QTMAN: variants seen among roughly 807,000 people sequenced by gnomAD.
QTMAN encodes the protein queuosine-tRNA mannosyltransferase, also known as tRNA-queuosine alpha-mannosyltransferase.
chr2:144,300,085 G>A, the QTMAN span, among the ~76,000 whole-genome samples: 2 of 152,184 alleles, frequency 1.3e-5, no homozygotes, highest in South Asian at 2.1e-4. Flanking sequence ...TAAAGACAAA[G>A]TCTGCCACGG....
the QTMAN span, among the ~76,000 whole-genome samples, chr2:144,129,518 T>C: frequency 7.2e-4 from 109 of 152,114 alleles, no homozygotes; most frequent in African/African-American, 2.5e-3. Context: ...TTTCATTTCA[T>C]GGCTATTTAA....
chr2:144,143,937 G>C, the QTMAN span, among the ~76,000 whole-genome samples: 1 of 151,854 alleles, frequency 6.6e-6, no homozygotes, highest in Admixed American at 6.6e-5. Flanking sequence ...TGAGGAAGCA[G>C]GAGTCATACT....
the QTMAN span, among the ~76,000 whole-genome samples, chr2:144,266,063 A>C: frequency 1.3e-5 from 2 of 152,224 alleles, no homozygotes; most frequent in South Asian, 4.1e-4. Flanking sequence ...AGGTGAAATA[A>C]TTCTATAAAG....
the QTMAN span, among the ~76,000 whole-genome samples, chr2:144,133,353 TA>T: frequency 2.6e-5 from 1 of 38,300 alleles, no homozygotes; most frequent in Non-Finnish European, 4.8e-5. Context: ...ATTATATATG[TA>T]TATATATAAT....
the QTMAN span, among the ~76,000 whole-genome samples, chr2:144,271,005 A>G: frequency 6.6e-6 from 1 of 152,190 alleles, no homozygotes; most frequent in East Asian, 1.9e-4. Flanking sequence ...CTCTAAGTAA[A>G]GATTACAAGT....
At chr2:144,177,372 A>T in the QTMAN span, 1 of 572,170 alleles carries the variant, frequency 1.7e-6, no homozygotes, top group South Asian at 2.4e-5. Flanking sequence ...GGGGGTAGTC[A>T]ATTGGAGATG....
At chr2:144,077,941 G>GA in the QTMAN span, among the ~76,000 whole-genome samples, 5 of 152,014 alleles carry the variant, frequency 3.3e-5, no homozygotes, top group African/African-American at 1.2e-4. Context: ...TGCAACAGTA[G>GA]AAAAAATGAG....
At chr2:144,064,162 C>T in the QTMAN span, among the ~76,000 whole-genome samples, 1 of 152,006 alleles carries the variant, frequency 6.6e-6, no homozygotes, top group Non-Finnish European at 1.5e-5. Flanking sequence ...TCCAAAGCCA[C>T]AGTGAACAGG....
the QTMAN span, among the ~76,000 whole-genome samples, chr2:144,107,601 G>C: frequency 6.6e-6 from 1 of 152,140 alleles, no homozygotes; most frequent in Non-Finnish European, 1.5e-5. Context: ...CTGAAATTGA[G>C]GCAATAATTC....
At chr2:143,962,066 G>A in the QTMAN span, among the ~76,000 whole-genome samples, 1 of 152,078 alleles carries the variant, frequency 6.6e-6, no homozygotes, top group African/African-American at 2.4e-5. Context: ...CTCCTCTTCT[G>A]TGGGGCTGTT....
At chr2:143,964,373 C>T in the QTMAN span, among the ~76,000 whole-genome samples, 1 of 152,144 alleles carries the variant, frequency 6.6e-6, no homozygotes, top group Non-Finnish European at 1.5e-5. Flanking sequence ...TTCAATCTTA[C>T]TAGTACATTA....
At chr2:144,236,893 G>C in the QTMAN span, among the ~76,000 whole-genome samples, 8 of 151,932 alleles carry the variant, frequency 5.3e-5, no homozygotes, top group African/African-American at 1.9e-4. Flanking sequence ...CCAAAAAAAA[G>C]GGGTGGGGTA....
At chr2:144,120,681 G>T in the QTMAN span, among the ~76,000 whole-genome samples, 1 of 152,144 alleles carries the variant, frequency 6.6e-6, no homozygotes, top group Non-Finnish European at 1.5e-5. Context: ...AGGGATTTCG[G>T]TAAGAACTGC....
the QTMAN span, among the ~76,000 whole-genome samples, chr2:144,298,948 G>A: frequency 1.3e-5 from 2 of 152,064 alleles, no homozygotes; most frequent in Non-Finnish European, 2.9e-5. Flanking sequence ...ACCCCTGGTG[G>A]TACACAAACA....
At chr2:144,076,266 A>T in the QTMAN span, among the ~76,000 whole-genome samples, 1 of 152,140 alleles carries the variant, frequency 6.6e-6, no homozygotes, top group Non-Finnish European at 1.5e-5. Context: ...AAGAAAAGAA[A>T]GAATGCCTTA....
At chr2:144,172,158 T>C in the QTMAN span, among the ~76,000 whole-genome samples, 2 of 152,148 alleles carry the variant, frequency 1.3e-5, no homozygotes, top group South Asian at 2.1e-4. Flanking sequence ...TGCTAAAACA[T>C]AGCAGTATTT....
At chr2:144,183,879 C>T in the QTMAN span, among the ~76,000 whole-genome samples, 4 of 152,174 alleles carry the variant, frequency 2.6e-5, no homozygotes, top group Admixed American at 2.6e-4. Flanking sequence ...CATTGCATTA[C>T]TTGGCAGTGG....
chr2:144,177,251 AT>A, the QTMAN span: 17 of 608,924 alleles, frequency 2.8e-5, no homozygotes, highest in South Asian at 3.4e-5. Context: ...CTTGATCCCA[AT>A]AAAAAAAAAA....
chr2:143,951,910 GT>G, the QTMAN span: 127 of 757,410 alleles, frequency 1.7e-4, no homozygotes, highest in East Asian at 1.2e-3. Context: ...TTAATTAAAT[GT>G]TTTTTTTTAA....
Sources: gnomAD v4.1 joint callset for allele counts (sites outside exome capture counted in the v4.1 genomes callset) on GRCh38, gnomAD v4.1.1 for gene constraint, MANE v1.5 for transcripts, NCBI Gene and HGNC (gene_info 2026-07-23, HGNC 2026-07-21) for gene names.